DDX43: variants seen among roughly 807,000 people sequenced by gnomAD.
DDX43 encodes DEAD-box helicase 43.
Under a neutral mutation model 84.9 loss-of-function variants are expected in DDX43, and 50 were observed. The observed-to-expected ratio is 0.59, with a 90% CI of 0.47 to 0.75. The LOEUF is 0.75. DDX43 is among the 30% of genes least tolerant of loss of function. The pLI, the probability that DDX43 is intolerant of heterozygous loss-of-function variation, is 0.00. For missense variants in DDX43, 689 were observed against 798.6 expected (o/e 0.86, Z 1.65); for synonymous variants, 291 against 266.3 (o/e 1.09, Z -0.90).
At chr6:73,409,826 T>C (rs1419759142) in intron 10 of DDX43, among the ~76,000 whole-genome samples, 1 of 151,838 alleles carries the variant, frequency 6.6e-6, no homozygotes. Context: ...AGGTCAGGAG[T>C]TTGAGGCCAG....
At chr6:73,412,757 G>A (rs1367175903) in intron 11 of DDX43, among the ~76,000 whole-genome samples, 1 of 149,804 alleles carries the variant, frequency 6.7e-6, no homozygotes, top group Non-Finnish European at 1.5e-5. Context: ...GTGTGTCAGA[G>A]TCTCACTGTA....
rs767446508 is a variant in DDX43, at chr6:73,394,930, A to G, written c.25A>G (p.Lys9Glu). 6.2e-7 allele frequency: 1 copy of G among 1,614,134 alleles called. No individual in the cohort carries two copies. The highest frequency in any genetic ancestry group is 1.7e-5 in the Admixed American group (1 of 60,012). ...AATGTCCCACCACGGAGGAGCTCCC[A>G]AGGCCTCTACGTGGGTCGTTGCTAG... MSHHGGAP[K>E]ASTWVVASRR... The change falls in exon 1 of 17, where the codon AAG becomes GAG. Residue 9 changes from lysine (K) to glutamate (E), a missense_variant. Lys to Glu is a moderately conservative substitution (Grantham distance 56). Around this residue, in one of 2 missense-constraint regions of DDX43, gnomAD observed 137 missense variants for 105.9 expected, o/e 1.29. Transcript: ENST00000370336.
chr6:73,396,486 G>T (rs62440593), intron 1 of DDX43, among the ~76,000 whole-genome samples: 5,761 of 152,190 alleles, frequency 0.038, 122 homozygotes, highest in African/African-American at 0.061. Flanking sequence ...GAAGAATGAT[G>T]CTCCAAGAAA....
At chr6:73,401,700 G>T (rs1476347682) in intron 3 of DDX43, among the ~76,000 whole-genome samples, 159 bp from the exon 4 acceptor site, 5 of 151,808 alleles carry the variant, frequency 3.3e-5, no homozygotes, top group African/African-American at 1.2e-4. Flanking sequence ...TGCTGGGGAG[G>T]CTGAGGCAAG....
intron 13 of DDX43, 69 bp from the exon 14 acceptor site, chr6:73,414,479 A>C: frequency 8.0e-7 from 1 of 1,257,334 alleles, no homozygotes; most frequent in Non-Finnish European, 1.1e-6. Context: ...GTTAGGGCAA[A>C]TATTATTTTT....
chr6:73,402,039 G>T, intron 4 of DDX43, 49 bp downstream of exon 4: 1 of 1,603,248 alleles, frequency 6.2e-7, no homozygotes, highest in Non-Finnish European at 8.5e-7. Flanking sequence ...GTTAACTGCA[G>T]TTTTTATTCT....
rs772942518 is a variant in DDX43, at chr6:73,405,764, G to A, written c.736G>A (p.Ala246Thr). Residue 246 changes from alanine (A) to threonine (T), a missense_variant, in exon 6 of 17, where the codon GCC (alanine) becomes ACC (threonine). Physicochemically the swap from Ala to Thr is moderately conservative, Grantham distance 58. Around this residue, in one of 2 missense-constraint regions of DDX43, gnomAD observed 552 missense variants for 692.7 expected, o/e 0.80. Coordinates refer to ENST00000370336, the MANE Select transcript of DDX43 (RefSeq NM_018665.3). ...IPNPTCTFDD[A>T]FQCYPEVMEN... ...CAATCCTACCTGCACATTTGATGAC[G>A]CCTTTCAATGTTATCCTGAGGTTAT... 3.1e-6 allele frequency: 5 copies of A among 1,613,920 alleles called. No homozygotes were observed. Among genetic ancestry groups the A allele is most frequent in the African/African-American group, 2.7e-5 (2 of 74,918 alleles).
chr6:73,403,854 G>A (rs1582637241), intron 4 of DDX43, among the ~76,000 whole-genome samples: 1 of 145,378 alleles, frequency 6.9e-6, no homozygotes, highest in Non-Finnish European at 1.5e-5. Context: ...TTTCGCTCTT[G>A]TTGCCCAGGC....
At chr6:73,396,201 C>T (rs1381144012) in intron 1 of DDX43, among the ~76,000 whole-genome samples, 2 of 152,174 alleles carry the variant, frequency 1.3e-5, no homozygotes, top group African/African-American at 4.8e-5. Context: ...ATCCACCCAC[C>T]TCGGCCTCCC....
Position 73,406,390 on chromosome 6 carries a change from A to G in DDX43, c.834A>G (p.Gln278=). 6.2e-7 allele frequency: 1 copy of G among 1,612,332 alleles called. No individual in the cohort carries two copies. Among genetic ancestry groups the G allele is most frequent in the Non-Finnish European group, 8.5e-7 (1 of 1,178,712 alleles). ...CACAGGCATGGCCCATTGTGTTGCA[A>G]GGAATAGATCTTATAGGAGTAGCCC... ...IQSQAWPIVL[Q]GIDLIGVAQT... is the part of the protein sequence containing the mutation. Residue 278 remains glutamine (Q), a synonymous_variant, in exon 7 of 17, where the codon CAA becomes CAG. Transcript: ENST00000370336.
intron 3 of DDX43, among the ~76,000 whole-genome samples, chr6:73,401,063 G>C (rs1267879414): frequency 6.6e-6 from 1 of 151,994 alleles, no homozygotes; most frequent in East Asian, 1.9e-4. Flanking sequence ...TTATAGCCTT[G>C]ACCTCCTGGG....
chr6:73,413,608 C>T (rs773515253), intron 11 of DDX43, 50 bp from the exon 12 acceptor site: 6 of 1,586,654 alleles, frequency 3.8e-6, no homozygotes, highest in Admixed American at 3.6e-5. Context: ...TATGCGGTCT[C>T]ACCCTCAATC....
In DDX43 at chr6:73,409,242, A is replaced by C; in HGVS notation, c.1180-6A>C. 1 of 1,612,340 alleles carries C rather than the reference A, an allele frequency of 6.2e-7. No individual in the cohort carries two copies. Among genetic ancestry groups the C allele is most frequent in the Non-Finnish European group, 8.5e-7 (1 of 1,178,612 alleles). On this transcript the variant is annotated splice_region_variant and splice_polypyrimidine_tract_variant and intron_variant, in intron 9 of 16. Transcript: ENST00000370336. ...AATCTAACCACATTCTTTTTTGTCA[A>C]TGCAGGTTTTAGATGAAGCAGACAA...
At chr6:73,411,423 G>A (rs1282407395) in intron 10 of DDX43, among the ~76,000 whole-genome samples, 1 of 150,450 alleles carries the variant, frequency 6.6e-6, no homozygotes, top group Non-Finnish European at 1.5e-5. Context: ...CTGCTTCCCA[G>A]ATTCAAGTGA....
intron 2 of DDX43, 100 bp downstream of exon 2, chr6:73,397,844 C>T (rs1769501962): frequency 1.8e-6 from 2 of 1,113,612 alleles, no homozygotes; most frequent in Non-Finnish European, 1.4e-6. Context: ...ATTCTGTCTC[C>T]CAGGCTGGAG....
chr6:73,411,588 G>A (rs1239422393), intron 10 of DDX43, among the ~76,000 whole-genome samples: 2 of 151,718 alleles, frequency 1.3e-5, no homozygotes, highest in Non-Finnish European at 2.9e-5. Context: ...CCTCAGCCTC[G>A]CAAAGTGCTG....
chr6:73,396,016 A>G (rs1390293064), intron 1 of DDX43, among the ~76,000 whole-genome samples: 1 of 149,242 alleles, frequency 6.7e-6, no homozygotes, highest in Non-Finnish European at 1.5e-5. Context: ...GCTGGAGTGC[A>G]GTGTGGCGTG....
chr6:73,412,668 T>TGTGTGTGTGTGTGTGTGTGCGCGC (rs538597626), intron 11 of DDX43, among the ~76,000 whole-genome samples: 4 of 108,392 alleles, frequency 3.7e-5, no homozygotes, highest in South Asian at 3.2e-4. Flanking sequence ...TGTGTGTGTG[T>TGTGTGTGTGTGTGTGTGTGCGCGC]GCGCGCGCGC....
At position 73,414,700 on chromosome 6, in the gene DDX43, G is replaced by T; in HGVS notation, c.1745+14G>T. On this transcript the variant is annotated intron_variant, in intron 14 of 16. Transcript: ENST00000370336. ...GGGAAGAGCAGGGTAAGTAAGCTTA[G>T]TCCACCCATGAAAGGCCAATTCTAG... 6.2e-7 allele frequency: 1 copy of T among 1,601,610 alleles called. No individual in the cohort carries two copies. Among genetic ancestry groups the T allele is most frequent in the Non-Finnish European group, 8.5e-7 (1 of 1,175,364 alleles).
Sources: gnomAD v4.1 joint callset for allele counts (sites outside exome capture counted in the v4.1 genomes callset) on GRCh38, gnomAD v4.1.1 for gene constraint, gnomAD v4.1.1 regional missense constraint, MANE v1.5 for transcripts, NCBI Gene and HGNC (gene_info 2026-07-23, HGNC 2026-07-21) for gene names.